Variants in TNFRSF10D observed in about 807,000 individuals in gnomAD.
The protein encoded by TNFRSF10D is TNF receptor superfamily member 10d, also known as tumor necrosis factor receptor superfamily member 10D.
In TNFRSF10D, 28 loss-of-function variants were observed where a neutral mutation model predicts 42.1. The ratio of observed to expected loss-of-function variants is 0.66; its 90% CI spans 0.49 to 0.91. The LOEUF is 0.91. TNFRSF10D is among the 40% of genes least tolerant of loss of function. The pLI is 0.00. For missense variants in TNFRSF10D, 503 were observed against 486.1 expected, an observed-to-expected ratio of 1.03 and a Z score of -0.33; for synonymous variants, 186 against 189.4, an observed-to-expected ratio of 0.98 and a Z score of 0.15.
At chr8:23,150,554 G>A (rs537662023) in intron 2 of TNFRSF10D, among the ~76,000 whole-genome samples, 8 of 152,196 alleles carry the variant, frequency 5.3e-5, no homozygotes, top group African/African-American at 1.4e-4. Context: ...TAACCAACCC[G>A]AAAGGAATAG....
intron 1 of TNFRSF10D, among the ~76,000 whole-genome samples, chr8:23,159,816 T>C (rs554720494): frequency 1.3e-5 from 2 of 152,196 alleles, no homozygotes; most frequent in South Asian, 2.1e-4. Context: ...TGAGCCGAGA[T>C]TGCACCACTG....
chr8:23,163,776 G>T lies in TNFRSF10D; in HGVS notation c.150+10C>A. Reference sequence around the variant, plus strand: ...CTCTTCCCCAGCCAGGGACCGCGGCGGAGACTCACCGGCAGCAGAACCGCG... The same window carrying T: ...CTCTTCCCCAGCCAGGGACCGCGGCTGAGACTCACCGGCAGCAGAACCGCG... On this transcript the variant is annotated intron_variant, in intron 1 of 8. Coordinates refer to ENST00000312584, the MANE Select transcript of TNFRSF10D (RefSeq NM_003840.5). The T allele has an allele frequency of 6.2e-7, 1 of 1,605,810 alleles. No individual in the cohort carries two copies. The highest frequency in any genetic ancestry group is 8.5e-7 in the Non-Finnish European group (1 of 1,177,988).
Position 23,145,665 on chromosome 8 carries a change from T to G in TNFRSF10D, c.736+3A>C, listed in dbSNP as rs1258074028. ...AGCGCTCCCACCCTCAGCCAGCACCTACCTGAGCAGATGCCTTTGAGGTAA... is the reference window on the plus strand; with the variant it reads ...AGCGCTCCCACCCTCAGCCAGCACCGACCTGAGCAGATGCCTTTGAGGTAA... On this transcript the variant is annotated splice_donor_region_variant and intron_variant, in intron 5 of 8. Coordinates refer to ENST00000312584, the MANE Select transcript of TNFRSF10D (RefSeq NM_003840.5). 1.2e-6 allele frequency: 2 copies of G among 1,613,976 alleles called. No individual in the cohort carries two copies. The highest frequency in any genetic ancestry group is 1.7e-6 in the Non-Finnish European group (2 of 1,180,038).
chr8:23,138,225 C>G lies in TNFRSF10D; in HGVS notation c.990G>C (p.Arg330Ser). ...QAEAEGCQRR[R>S]LLVPVNDADS... ...CAGCGTCATTCACTGGAACCAGCAG[C>G]CTCCTCCTCTGACACCCTTCAGCTT... is the stretch of plus-strand genomic sequence containing the variant. Residue 330 changes from arginine (R) to serine (S), a missense_variant, in exon 8 of 9, where the codon AGG becomes AGC. Arg to Ser is a moderately radical substitution (Grantham distance 110). Transcript: ENST00000312584. 1 of 1,614,244 alleles carries G rather than the reference C, an allele frequency of 6.2e-7. No homozygotes were observed. Among genetic ancestry groups the G allele is most frequent in the Non-Finnish European group, 8.5e-7 (1 of 1,180,044 alleles).
intron 1 of TNFRSF10D, 106 bp downstream of exon 1, chr8:23,163,680 C>CT: frequency 6.7e-7 from 1 of 1,500,236 alleles, no homozygotes; most frequent in Non-Finnish European, 8.9e-7. Context: ...CATGCCCGGC[C>CT]GCAGGCGACC....
At chr8:23,147,928 G>A (rs184787800) in intron 3 of TNFRSF10D, among the ~76,000 whole-genome samples, 1 of 151,974 alleles carries the variant, frequency 6.6e-6, no homozygotes, top group Admixed American at 6.6e-5. Flanking sequence ...AGCCGGGTGT[G>A]GTGGCGGGCA....
chr8:23,143,037 C>T (rs992548463), intron 7 of TNFRSF10D, among the ~76,000 whole-genome samples: 71 of 150,480 alleles, frequency 4.7e-4, no homozygotes, highest in African/African-American at 1.7e-3. Flanking sequence ...AGTGCAGTGG[C>T]GTGATCTCGG....
chr8:23,137,868 T>G lies in TNFRSF10D; in HGVS notation c.*2A>C. ...AAGCTCTGGTTTCCTGAAGAGATTC[T>G]TTCACAGGCAGGACGTAGCAGAGCC... On this transcript the variant is annotated 3_prime_UTR_variant, in exon 9 of 9. Transcript: ENST00000312584. 6.2e-7 allele frequency: 1 copy of G among 1,608,178 alleles called. No individual in the cohort carries two copies. The highest frequency in any genetic ancestry group is 8.5e-7 in the Non-Finnish European group (1 of 1,178,314).
At chr8:23,155,333 A>T (rs558809573) in intron 1 of TNFRSF10D, among the ~76,000 whole-genome samples, 33 of 151,698 alleles carry the variant, frequency 2.2e-4, no homozygotes, top group African/African-American at 8.0e-4. Context: ...TACAGCCTGG[A>T]ACTTCTGGCC....
chr8:23,140,281 T>C (rs945490409), intron 7 of TNFRSF10D, among the ~76,000 whole-genome samples: 10 of 150,218 alleles, frequency 6.7e-5, no homozygotes, highest in Non-Finnish European at 1.5e-5. Flanking sequence ...AGAGCAAGAC[T>C]CTGTCTCAAA....
intron 2 of TNFRSF10D, among the ~76,000 whole-genome samples, chr8:23,150,144 T>C (rs192567590): frequency 6.2e-3 from 948 of 152,254 alleles, no homozygotes; most frequent in African/African-American, 0.019. Flanking sequence ...CCCACCTCCA[T>C]AGATTCAGCT....
At chr8:23,146,820 GCAGGCTCAGGAAACCCCA>G (rs1800127062) in intron 4 of TNFRSF10D, 123 bp downstream of exon 4, 1 of 679,726 alleles carries the variant, frequency 1.5e-6, no homozygotes. Context: ...AGGGGCCAAC[GCAGGCTCAGGAAACCCCA>G]CAGGCTCAGG....
chr8:23,145,433 C>A (rs1475320967), intron 5 of TNFRSF10D, among the ~76,000 whole-genome samples: 2 of 152,206 alleles, frequency 1.3e-5, no homozygotes, highest in African/African-American at 4.8e-5. Context: ...GCCCTGCCCT[C>A]CTGGAGTTGG....
intron 7 of TNFRSF10D, among the ~76,000 whole-genome samples, chr8:23,140,098 G>C (rs144565803): frequency 2.0e-5 from 3 of 152,094 alleles, no homozygotes; most frequent in Non-Finnish European, 4.4e-5. Context: ...GACCATCCTG[G>C]CTAACACGGT....
At chr8:23,148,699 C>T in intron 2 of TNFRSF10D, 148 bp from the exon 3 acceptor site, 1 of 531,832 alleles carries the variant, frequency 1.9e-6, no homozygotes, top group Non-Finnish European at 3.5e-6. Flanking sequence ...AATTCTGCAT[C>T]TATTACACTA....
chr8:23,135,630 T>G lies in TNFRSF10D; in HGVS notation c.*2240A>C, dbSNP rs552149164. 1.3e-5 allele frequency: 3 copies of G among 234,700 alleles called. No individual in the cohort carries two copies. The highest frequency in any genetic ancestry group is 2.6e-5 in the Non-Finnish European group (3 of 116,740). 14.5% of individuals were successfully genotyped at this position (234,700 alleles called of 1,614,324 possible). On this transcript the variant is annotated 3_prime_UTR_variant, in exon 9 of 9. Transcript: ENST00000312584. ...CATATTTATTTTGGTCATAAACATATGAGTATTTCATATATAACCAGGTGT... is the reference window on the plus strand; with the variant it reads ...CATATTTATTTTGGTCATAAACATAGGAGTATTTCATATATAACCAGGTGT...
In TNFRSF10D at chr8:23,136,098, A is replaced by G. The variant is rs899380350; in HGVS notation, c.*1772T>C. The G allele has an allele frequency of 5.7e-6, 2 of 349,570 alleles. No individual in the cohort carries two copies. Among genetic ancestry groups the G allele is most frequent in the Non-Finnish European group, 1.1e-5 (2 of 176,530 alleles). 21.7% of individuals were successfully genotyped at this position (349,570 alleles called of 1,614,324 possible). The stretch of plus-strand genomic sequence containing the variant: ...TCCCAGCCAAACCAGTCCCGGAACA[A>G]AACACACAATGCCTTGAGATGGAAA... On this transcript the variant is annotated 3_prime_UTR_variant, in exon 9 of 9. Coordinates refer to ENST00000312584, the MANE Select transcript of TNFRSF10D (RefSeq NM_003840.5).
At chr8:23,141,069 T>C (rs142611504) in intron 7 of TNFRSF10D, among the ~76,000 whole-genome samples, 925 of 152,118 alleles carry the variant, frequency 6.1e-3, no homozygotes, top group African/African-American at 0.019. Flanking sequence ...CTATAAGAAT[T>C]CTAGAAGAAA....
Position 23,137,933 on chromosome 8 carries a change from C to CA in TNFRSF10D, c.1097dup (p.Val367GlyfsTer9). 2 of 1,614,208 alleles carry CA rather than the reference C, an allele frequency of 1.2e-6. No homozygotes were observed. The highest frequency in any genetic ancestry group is 1.7e-6 in the Non-Finnish European group (2 of 1,180,046). On this transcript the variant is annotated frameshift_variant, in exon 9 of 9. Coordinates refer to ENST00000312584, the MANE Select transcript of TNFRSF10D (RefSeq NM_003840.5). LOFTEE classifies it low-confidence loss of function (END_TRUNC). Reference sequence around the variant, plus strand: ...CATAAAAGAGCTTTTCGGAGCCCACCAGTTGGTCCTGAATTGTTTCCTTTG... The same window carrying CA: ...CATAAAAGAGCTTTTCGGAGCCCACCAAGTTGGTCCTGAATTGTTTCCTTTG...
Sources: allele counts gnomAD v4.1 joint callset (sites outside exome capture counted in the v4.1 genomes callset), GRCh38; gene constraint gnomAD v4.1.1; transcripts MANE v1.5; gene names NCBI Gene and HGNC (gene_info 2026-07-23, HGNC 2026-07-21).